Variants in MAPK10 observed in about 807,000 individuals in gnomAD.
MAPK10 encodes the protein JNK3 alpha protein kinase.
Under a neutral mutation model 59.3 loss-of-function variants are expected in MAPK10, and 25 were observed. The ratio of observed to expected loss-of-function variants is 0.42; its 90% CI spans 0.31 to 0.59. The LOEUF (loss-of-function observed/expected upper bound fraction) is 0.59, where lower values mean the gene tolerates loss of function less well. MAPK10 is among the 20% of genes least tolerant of loss of function. MAPK10 has a pLI of 0.15. For synonymous variants in MAPK10, 190 were observed against 200.5 expected, an observed-to-expected ratio of 0.95 and a Z score of 0.44; for missense variants, 351 against 568.9, an observed-to-expected ratio of 0.62 and a Z score of 3.90.
intron 4 of MAPK10, among the ~76,000 whole-genome samples, chr4:86,149,046 A>G (rs2065717351): frequency 6.6e-6 from 1 of 152,198 alleles, no homozygotes; most frequent in Non-Finnish European, 1.5e-5. Context: ...ACCACCAGCC[A>G]ATAATATTCA....
intron 1 of MAPK10, among the ~76,000 whole-genome samples, chr4:86,388,090 C>T (rs1187454603): frequency 6.6e-6 from 1 of 151,352 alleles, no homozygotes; most frequent in East Asian, 1.9e-4. Context: ...GATAACTGTA[C>T]TGTAATCGGG....
At chr4:86,238,021 A>G (rs574263993) in intron 2 of MAPK10, among the ~76,000 whole-genome samples, 41 of 152,286 alleles carry the variant, frequency 2.7e-4, no homozygotes, top group Middle Eastern at 3.4e-3. Flanking sequence ...TAATTTTTGT[A>G]TAAAGTGTAA....
chr4:86,241,198 G>C (rs1414297480), intron 2 of MAPK10, among the ~76,000 whole-genome samples: 1 of 152,174 alleles, frequency 6.6e-6, no homozygotes, highest in Admixed American at 6.5e-5. Context: ...TTTCTGCTGA[G>C]AGGTCCACTG....
intron 1 of MAPK10, among the ~76,000 whole-genome samples, chr4:86,410,251 T>C (rs894559988): frequency 3.9e-5 from 6 of 152,182 alleles, no homozygotes; most frequent in Non-Finnish European, 7.4e-5. Flanking sequence ...GGGATGAAGC[T>C]GACTTGATCG....
intron 2 of MAPK10, among the ~76,000 whole-genome samples, chr4:86,199,137 C>A (rs182736411): frequency 7.9e-5 from 12 of 152,110 alleles, no homozygotes; most frequent in Admixed American, 7.9e-4. Context: ...ATTTAGTAAA[C>A]TTGTGCATAG....
intron 2 of MAPK10, among the ~76,000 whole-genome samples, chr4:86,215,592 T>C (rs1334414111): frequency 6.6e-6 from 1 of 152,210 alleles, no homozygotes; most frequent in Non-Finnish European, 1.5e-5. Context: ...CAGGGCACAG[T>C]GGCTCATGCC....
At chr4:86,328,862 C>T (rs1411022000) in intron 2 of MAPK10, among the ~76,000 whole-genome samples, 3 of 151,818 alleles carry the variant, frequency 2.0e-5, no homozygotes, top group Non-Finnish European at 4.4e-5. Context: ...GGGAGGGGAG[C>T]AAAGGGAGGG....
chr4:86,327,006 T>C (rs1650775593), intron 2 of MAPK10: 1 of 152,284 alleles, frequency 6.6e-6, no homozygotes, highest in Admixed American at 6.5e-5. Context: ...CATCTCGCTC[T>C]GTTGCCCAGA....
At chr4:86,028,417 AATTG>A (rs773321488) in intron 13 of MAPK10, 2 of 152,296 alleles carry the variant, frequency 1.3e-5, no homozygotes, top group East Asian at 1.9e-4. Context: ...CGATATGAAT[AATTG>A]ATTAATTATT....
intron 2 of MAPK10, among the ~76,000 whole-genome samples, chr4:86,322,759 G>T (rs886439190): frequency 3.3e-5 from 5 of 152,058 alleles, no homozygotes; most frequent in African/African-American, 1.2e-4. Flanking sequence ...CTCTTTCCTG[G>T]GGTTTTTAAA....
intron 2 of MAPK10, among the ~76,000 whole-genome samples, chr4:86,242,528 C>A (rs2092798440): frequency 6.6e-6 from 1 of 152,202 alleles, no homozygotes; most frequent in Non-Finnish European, 1.5e-5. Flanking sequence ...CAAATTCTGT[C>A]CCTGAGCCTC....
At chr4:86,049,012 A>G (rs1041494480) in intron 11 of MAPK10, among the ~76,000 whole-genome samples, 1 of 152,110 alleles carries the variant, frequency 6.6e-6, no homozygotes, top group Admixed American at 6.6e-5. Context: ...TTCTACCTAC[A>G]TGGATTCAAT....
chr4:86,262,827 C>A (rs2094059246), intron 2 of MAPK10, among the ~76,000 whole-genome samples: 1 of 152,162 alleles, frequency 6.6e-6, no homozygotes, highest in Non-Finnish European at 1.5e-5. Flanking sequence ...CTTGTGCTGG[C>A]TAACTTCCAC....
At chr4:86,527,584 C>T (rs976151787) in intron 1 of MAPK10, among the ~76,000 whole-genome samples, 1 of 152,142 alleles carries the variant, frequency 6.6e-6, no homozygotes, top group Non-Finnish European at 1.5e-5. Context: ...AGTTCAGCCA[C>T]TATGGAAAGC....
chr4:86,026,637 C>A (rs991172798), intron 13 of MAPK10: 11 of 152,146 alleles, frequency 7.2e-5, no homozygotes, highest in Admixed American at 3.3e-4. Flanking sequence ...TTAACTTACT[C>A]CCTTGCTGCA....
At chr4:86,529,312 T>C (rs1041401077) in intron 1 of MAPK10, among the ~76,000 whole-genome samples, 8 of 152,118 alleles carry the variant, frequency 5.3e-5, no homozygotes, top group Non-Finnish European at 7.3e-5. Flanking sequence ...CCTGGGACAT[T>C]TGTGGTTTCC....
intron 9 of MAPK10, among the ~76,000 whole-genome samples, chr4:86,075,251 CT>C (rs1002282686): frequency 9.9e-5 from 15 of 152,132 alleles, no homozygotes; most frequent in Non-Finnish European, 2.9e-5. Flanking sequence ...CCATCAGCTC[CT>C]TTAAGCACTT....
intron 1 of MAPK10, among the ~76,000 whole-genome samples, chr4:86,533,148 C>T (rs1177101693): frequency 1.3e-5 from 2 of 151,902 alleles, no homozygotes; most frequent in Non-Finnish European, 2.9e-5. Flanking sequence ...ATAGGTCATA[C>T]ACAAAAAGAA....
chr4:86,237,537 T>C (rs1472416458), intron 2 of MAPK10, among the ~76,000 whole-genome samples: 1 of 152,226 alleles, frequency 6.6e-6, no homozygotes, highest in African/African-American at 2.4e-5. Context: ...GACTTTTTAA[T>C]AATCACCATT....
Sources: allele counts gnomAD v4.1 joint callset (sites outside exome capture counted in the v4.1 genomes callset), GRCh38; gene constraint gnomAD v4.1.1; transcripts MANE v1.5; gene names NCBI Gene and HGNC (gene_info 2026-07-23, HGNC 2026-07-21).